Variants in SEMA6A observed in about 807,000 individuals in gnomAD.
SEMA6A encodes the protein semaphorin 6A.
SEMA6A carries 25 observed loss-of-function variants against 96.8 expected under a neutral mutation model. The observed-to-expected ratio is 0.26, with a 90% CI of 0.19 to 0.36. The LOEUF (loss-of-function observed/expected upper bound fraction) is 0.36. SEMA6A is among the 10% of genes least tolerant of loss of function. The pLI is 1.00. For missense variants in SEMA6A, 1,363 were observed against 1,323.1 expected (o/e 1.03, Z -0.47); for synonymous variants, 612 against 518.0 (o/e 1.18, Z -2.46).
chr5:116,496,307 T>G lies in SEMA6A; in HGVS notation c.286A>C (p.Thr96Pro), dbSNP rs758414335. ...ACATCGGCCTGTCTAGATTTCCATG[T>G]CAGTTTCTGCAGGGATCAAGAAAGA... The part of the protein sequence containing the change: ...TEEIYCSKKL[T>P]WKSRQADVDT... Residue 96 changes from threonine (T) to proline (P), a missense_variant, in exon 5 of 19, where the codon ACA (threonine) becomes CCA (proline). Coordinates refer to ENST00000343348, the MANE Select transcript of SEMA6A (RefSeq NM_020796.5). 6.2e-7 allele frequency: 1 copy of G among 1,613,638 alleles called. No individual in the cohort carries two copies. The highest frequency in any genetic ancestry group is 1.3e-5 in the African/African-American group (1 of 75,030).
Position 116,446,306 on chromosome 5 carries a change from G to A in SEMA6A, c.*307C>T, listed in dbSNP as rs1357581549. The A allele has an allele frequency of 1.1e-5, 3 of 284,998 alleles. No individual in the cohort carries two copies. The highest frequency in any genetic ancestry group is 6.6e-6 in the Non-Finnish European group (1 of 152,474). The allele number at this position is 284,998 out of a possible 1,614,324, so 17.7% of individuals were successfully genotyped here. On this transcript the variant is annotated 3_prime_UTR_variant, in exon 19 of 19. Transcript: ENST00000343348. The stretch of plus-strand genomic sequence containing the variant: ...TGTGTGGGGGTGGGGGATGGGGTAG[G>A]TATGTGCTTTTGGCTCATGTTTGTG...
At chr5:116,529,533 G>A (rs1455052186) in intron 1 of SEMA6A, among the ~76,000 whole-genome samples, 4 of 152,054 alleles carry the variant, frequency 2.6e-5, no homozygotes, top group Admixed American at 2.6e-4. Flanking sequence ...CAATTTTTAT[G>A]TGACAATTTA....
intron 3 of SEMA6A, among the ~76,000 whole-genome samples, chr5:116,500,040 C>G (rs1469876960): frequency 1.3e-5 from 2 of 152,196 alleles, no homozygotes; most frequent in African/African-American, 4.8e-5. Context: ...TTGTTTTGAT[C>G]AGCCCTTAGA....
chr5:116,487,001 C>T, intron 9 of SEMA6A, 35 bp from the exon 10 acceptor site: 2 of 1,492,496 alleles, frequency 1.3e-6, no homozygotes, highest in Non-Finnish European at 1.9e-6. Context: ...AAATTAAATG[C>T]ATTCATTTTG....
rs377316252 is a variant in SEMA6A, at chr5:116,488,915, C to A, written c.628G>T (p.Val210Phe). 2 of 1,584,978 alleles carry A rather than the reference C, an allele frequency of 1.3e-6. No individual in the cohort carries two copies. The highest frequency in any genetic ancestry group is 1.8e-5 in the Admixed American group (1 of 55,876). ...TTCAACCATTTTGAATCGTGCTTGA[C>A]GGTCCGCAGGGTAGGGCTTTCTCCA... ...SLGESPTLRT[V>F]KHDSKWLKEP... Residue 210 changes from valine (V) to phenylalanine (F), a missense_variant, in exon 8 of 19, where the codon GTC (valine) becomes TTC (phenylalanine). By Grantham distance (50) the Val-to-Phe change is conservative (BLOSUM62 -1). Transcript: ENST00000343348.
chr5:116,473,781 A>AT lies in SEMA6A; in HGVS notation c.1709-689dup, dbSNP rs1481234617. Among the ~76,000 whole-genome samples, 3 of 152,296 alleles carry AT rather than the reference A, an allele frequency of 2.0e-5. No homozygotes were observed. In the East Asian group the frequency reaches 5.8e-4, roughly 29 times the overall value. On this transcript the variant is annotated intron_variant, in intron 16 of 18. Coordinates refer to ENST00000343348, the MANE Select transcript of SEMA6A (RefSeq NM_020796.5). ...ACCTATGTGGGGATAGGTCTGTCTAATAGAGGTAGTTCATGCTTCAGCAGG... is the reference window on the plus strand; with the variant it reads ...ACCTATGTGGGGATAGGTCTGTCTAATTAGAGGTAGTTCATGCTTCAGCAGG...
Position 116,447,752 on chromosome 5 carries a change from C to T in SEMA6A, c.1954G>A (p.Ala652Thr), listed in dbSNP as rs1233299076. The change falls in exon 19 of 19, where the codon GCC becomes ACC. Residue 652 changes from alanine (A) to threonine (T), a missense_variant. Physicochemically the swap from Ala to Thr is moderately conservative, Grantham distance 58 (BLOSUM62 0). Coordinates refer to ENST00000343348, the MANE Select transcript of SEMA6A (RefSeq NM_020796.5). ...HDQLVPVTLL[A>T]IAVILAFVMG... ...ACGAAAGCCAGGATGACTGCAATGG[C>T]CAAGAGGGTGACGGGAACCAGCTGG... The T allele has an allele frequency of 6.2e-7, 1 of 1,612,780 alleles. No individual in the cohort carries two copies. The highest frequency in any genetic ancestry group is 1.1e-5 in the South Asian group (1 of 91,030).
intron 18 of SEMA6A, among the ~76,000 whole-genome samples, chr5:116,464,885 T>G (rs1755635566): frequency 6.6e-6 from 1 of 152,212 alleles, no homozygotes; most frequent in South Asian, 2.1e-4. Flanking sequence ...CCTTGCTCAC[T>G]GGCATTTTTA....
intron 1 of SEMA6A, among the ~76,000 whole-genome samples, chr5:116,536,837 G>T (rs1209709118): frequency 9.2e-6 from 1 of 108,790 alleles, no homozygotes; most frequent in Non-Finnish European, 1.7e-5. Context: ...TGGTCGAAAA[G>T]CTTTTTATTC....
At chr5:116,503,517 CTTT>C (rs11305955) in intron 2 of SEMA6A, among the ~76,000 whole-genome samples, 1 of 145,612 alleles carries the variant, frequency 6.9e-6, no homozygotes, top group Non-Finnish European at 1.5e-5. Context: ...GGAGTCCCTT[CTTT>C]TTTTTTTTTT....
chr5:116,470,485 ATT>A (rs1345488720), intron 17 of SEMA6A, among the ~76,000 whole-genome samples: 1 of 152,196 alleles, frequency 6.6e-6, no homozygotes, highest in Admixed American at 6.5e-5. Context: ...AATGCATCAT[ATT>A]GTTTCTCTAT....
intron 17 of SEMA6A, chr5:116,472,397 A>C (rs1397917294): frequency 6.6e-6 from 1 of 152,478 alleles, no homozygotes; most frequent in Non-Finnish European, 1.5e-5. Context: ...CTTAAATTTC[A>C]GTGGCCAATT....
intron 17 of SEMA6A, chr5:116,472,428 T>C (rs258018): frequency 0.56 from 85,438 of 152,934 alleles, 25,024 homozygotes; most frequent in East Asian, 0.78. Flanking sequence ...TTGGAAAGTT[T>C]TGTCTAATAA....
intron 17 of SEMA6A, 48 bp downstream of exon 17, chr5:116,473,025 A>C (rs1756242973): frequency 6.4e-7 from 1 of 1,565,330 alleles, no homozygotes; most frequent in South Asian, 1.2e-5. Context: ...AGACATTCTC[A>C]GATAGGTTTC....
At chr5:116,477,076 T>C (rs1756489740) in intron 15 of SEMA6A, among the ~76,000 whole-genome samples, 2 of 152,226 alleles carry the variant, frequency 1.3e-5, no homozygotes, top group Non-Finnish European at 2.9e-5. Flanking sequence ...AATGGCTGTG[T>C]TGAAGAAAGA....
At chr5:116,492,101 A>C (rs192766522) in intron 6 of SEMA6A, among the ~76,000 whole-genome samples, 193 of 152,284 alleles carry the variant, frequency 1.3e-3, no homozygotes, top group Non-Finnish European at 2.3e-3. Context: ...TCCTTTTCAG[A>C]TATTTTATAC....
Position 116,446,564 on chromosome 5 carries a change from G to T in SEMA6A, c.*49C>A. The T allele has an allele frequency of 7.0e-7, 1 of 1,422,190 alleles. No individual in the cohort carries two copies. The allele number at this position is 1,422,190 out of a possible 1,614,324, so 88.1% of individuals were successfully genotyped here. On this transcript the variant is annotated 3_prime_UTR_variant, in exon 19 of 19. Transcript: ENST00000343348. ...TTGAGAACCTTGCTGAGCTGAGCGG[G>T]CACCTCGCCTTGCCTGCTGGTTCGA... is the stretch of plus-strand genomic sequence containing the variant.
At chr5:116,528,601 C>T (rs1759331511) in intron 1 of SEMA6A, among the ~76,000 whole-genome samples, 1 of 152,226 alleles carries the variant, frequency 6.6e-6, no homozygotes, top group South Asian at 2.1e-4. Flanking sequence ...TGCAGCCCTG[C>T]ATCCTATCTT....
intron 10 of SEMA6A, 175 bp downstream of exon 10, chr5:116,486,574 G>C (rs564066682): frequency 3.4e-6 from 2 of 591,586 alleles, no homozygotes; most frequent in Non-Finnish European, 6.1e-6. Flanking sequence ...TAACTTAATA[G>C]TGCTTATAAA....
Sources: gnomAD v4.1 joint callset for allele counts (sites outside exome capture counted in the v4.1 genomes callset) on GRCh38, gnomAD v4.1.1 for gene constraint, MANE v1.5 for transcripts, NCBI Gene and HGNC (gene_info 2026-07-23, HGNC 2026-07-21) for gene names.